ARHGAP29: variants seen among roughly 807,000 people sequenced by gnomAD.
The protein encoded by ARHGAP29 is Rho GTPase activating protein 29.
ARHGAP29 carries 43 observed loss-of-function variants against 122.6 expected under a neutral mutation model. The observed-to-expected ratio is 0.35, with a 90% CI of 0.27 to 0.45. The LOEUF is 0.45. Ranked by LOEUF, ARHGAP29 falls within the 20% of genes least tolerant of loss-of-function variation. The pLI, the probability that ARHGAP29 is intolerant of heterozygous loss-of-function variation, is 1.00. For synonymous variants in ARHGAP29, 506 were observed against 497.1 expected, an observed-to-expected ratio of 1.02 and a Z score of -0.24; for missense variants, 1,303 against 1,477.2, an observed-to-expected ratio of 0.88 and a Z score of 1.93.
chr1:94,268,033 A>G (rs1304235989), intron 1 of ARHGAP29, among the ~76,000 whole-genome samples: 1 of 152,104 alleles, frequency 6.6e-6, no homozygotes, highest in African/African-American at 2.4e-5. Context: ...TTATTTTCAC[A>G]TGGCAAACAT....
chr1:94,226,386 A>G (rs1652613131), intron 2 of ARHGAP29, among the ~76,000 whole-genome samples: 1 of 151,944 alleles, frequency 6.6e-6, no homozygotes, highest in African/African-American at 2.4e-5. Flanking sequence ...CAAAAACCCC[A>G]TTATCTCCTT....
rs1570496384 is a variant in ARHGAP29 at position 94,184,671 on chromosome 1, T to C, written c.2109+201A>G. On this transcript the variant is annotated intron_variant, in intron 18 of 22. Transcript: ENST00000260526. ...CAGGAGGCTGAAGTGGGAGGGTTGC[T>C]TGAGCCTGGGAGGTCAAGGCTGCAG... 1.3e-5 allele frequency among the ~76,000 whole-genome samples: 2 copies of C among 151,898 alleles called. 1 individual carries two copies. Among genetic ancestry groups the C allele is most frequent in the East Asian group, 3.9e-4 (2 of 5,182 alleles).
At position 94,220,396 on chromosome 1, in the gene ARHGAP29, T is replaced by A; in HGVS notation, c.206-4A>T. 3 of 1,572,006 alleles carry A rather than the reference T, an allele frequency of 1.9e-6. No individual in the cohort carries two copies. The highest frequency in any genetic ancestry group is 1.7e-6 in the Non-Finnish European group (2 of 1,161,238). On this transcript the variant is annotated splice_polypyrimidine_tract_variant and splice_region_variant and intron_variant, in intron 2 of 22. Coordinates refer to ENST00000260526, the MANE Select transcript of ARHGAP29 (RefSeq NM_004815.4). ...TGAATAACTTCTTTAAAACAGTCTTTAAAAAGAAAAAAAAATAATTTATTT... is the reference window on the plus strand; with the variant it reads ...TGAATAACTTCTTTAAAACAGTCTTAAAAAAGAAAAAAAAATAATTTATTT...
the ARHGAP29 span, among the ~76,000 whole-genome samples, chr1:94,287,497 C>CTATTAT: frequency 2.7e-4 from 40 of 150,660 alleles, no homozygotes; most frequent in Middle Eastern, 3.4e-3. Flanking sequence ...ACCTCTTTTA[C>CTATTAT]TATTATTATT....
the ARHGAP29 span, among the ~76,000 whole-genome samples, chr1:94,284,266 G>T: frequency 1.3e-5 from 2 of 152,114 alleles, no homozygotes; most frequent in African/African-American, 2.4e-5. Context: ...CTTTTAAATA[G>T]AATTTAAATT....
At chr1:94,308,235 A>G in the ARHGAP29 span, among the ~76,000 whole-genome samples, 1 of 151,984 alleles carries the variant, frequency 6.6e-6, no homozygotes, top group Non-Finnish European at 1.5e-5. Context: ...TATTTTATGA[A>G]CCTCCTCTCC....
the ARHGAP29 span, among the ~76,000 whole-genome samples, chr1:94,295,937 C>T: frequency 1.2e-4 from 19 of 152,216 alleles, no homozygotes; most frequent in East Asian, 3.1e-3. Flanking sequence ...GAGCAATTAC[C>T]AGAACCTGGA....
At chr1:94,308,287 G>A in the ARHGAP29 span, among the ~76,000 whole-genome samples, 2 of 152,106 alleles carry the variant, frequency 1.3e-5, no homozygotes, top group East Asian at 3.9e-4. Flanking sequence ...AAGTAGGCAG[G>A]AAAGATGGTA....
the ARHGAP29 span, among the ~76,000 whole-genome samples, chr1:94,307,481 A>G: frequency 6.6e-6 from 1 of 152,370 alleles, no homozygotes; most frequent in African/African-American, 2.4e-5. Context: ...AAAAGTAAAT[A>G]CATAGGAATA....
chr1:94,202,083 C>T (rs1443739267), intron 11 of ARHGAP29: 1 of 454,106 alleles, frequency 2.2e-6, no homozygotes, highest in Non-Finnish European at 3.8e-6. Context: ...ATATTTGCTT[C>T]TATTTGAAAT....
the ARHGAP29 span, among the ~76,000 whole-genome samples, chr1:94,313,523 C>A: frequency 6.6e-6 from 1 of 152,170 alleles, no homozygotes. Flanking sequence ...AGCGCTTTTA[C>A]ACTGTTGGTG....
chr1:94,259,535 G>A (rs957399965), intron 1 of ARHGAP29, among the ~76,000 whole-genome samples: 11 of 152,134 alleles, frequency 7.2e-5, no homozygotes, highest in East Asian at 1.9e-4. Context: ...ACTGTTGTCC[G>A]TACAAGAAGA....
rs375202233 is a variant in ARHGAP29 at position 94,201,873 on chromosome 1, A to G, written c.1144-16T>C. 7.2e-7 allele frequency: 1 copy of G among 1,393,146 alleles called. No homozygotes were observed. Among genetic ancestry groups the G allele is most frequent in the Admixed American group, 2.8e-5 (1 of 35,222 alleles). The allele number at this position is 1,393,146 out of a possible 1,614,324, so 86.3% of individuals were successfully genotyped here. A position where few individuals can be genotyped will look rare whatever the true frequency, so the allele number is the denominator to read the frequency against. On this transcript the variant is annotated splice_polypyrimidine_tract_variant and intron_variant, in intron 11 of 22. Transcript: ENST00000260526. ...CTTCTTCTACCTTCACAAATATCAC[A>G]GAAAAAAAAATAACACTAGAATTTA...
chr1:94,174,085 C>T lies in ARHGAP29; in HGVS notation c.3570G>A (p.Val1190=). The T allele has an allele frequency of 6.2e-7, 1 of 1,614,190 alleles. No individual in the cohort carries two copies. The highest frequency in any genetic ancestry group is 1.3e-5 in the African/African-American group (1 of 75,052). ...EEKPASPSAA[V]PPGTDHDPHG... is the part of the protein sequence containing the mutation. ...GGGGATCGTGATCTGTGCCAGGAGGCACTGCTGCTGAGGGTGAAGCTGGCT... is the reference window on the plus strand; with the variant it reads ...GGGGATCGTGATCTGTGCCAGGAGGTACTGCTGCTGAGGGTGAAGCTGGCT... Residue 1190 remains valine, a synonymous_variant, in exon 23 of 23, where the codon GTG becomes GTA. Transcript: ENST00000260526.
chr1:94,196,451 C>T (rs561560429), intron 12 of ARHGAP29, among the ~76,000 whole-genome samples: 316 of 151,004 alleles, frequency 2.1e-3, no homozygotes, highest in African/African-American at 7.4e-3. Context: ...TTAGTAGAGA[C>T]GGGGTTTCAC....
rs1648583084 is a variant in ARHGAP29 at position 94,169,458 on chromosome 1, A to G, written c.*4411T>C. On this transcript the variant is annotated 3_prime_UTR_variant, in exon 23 of 23. Transcript: ENST00000260526. The stretch of plus-strand genomic sequence containing the variant: ...GGGAGGGAGGAAGAATGAACAAATT[A>G]TTTAGGATTATGGGAGTCAGGTTTC... 6.6e-6 allele frequency among the ~76,000 whole-genome samples: 1 copy of G among 152,136 alleles called. No homozygotes were observed. The highest frequency in any genetic ancestry group is 2.1e-4 in the South Asian group (1 of 4,818).
At position 94,219,103 on chromosome 1, in the gene ARHGAP29, C is replaced by T. The variant is rs1003313260; in HGVS notation, c.340+1155G>A. On this transcript the variant is annotated intron_variant, in intron 3 of 22. Transcript: ENST00000260526. Reference sequence around the variant, plus strand: ...ACTCTGTGCTCCCATGGTGCCTAGGCGTACTTCTATCACAGAATTGATCAC... The same window carrying T: ...ACTCTGTGCTCCCATGGTGCCTAGGTGTACTTCTATCACAGAATTGATCAC... 3.9e-5 allele frequency among the ~76,000 whole-genome samples: 6 copies of T among 152,204 alleles called. No individual in the cohort carries two copies. The South Asian group carries it at 8.3e-4, about 21-fold the overall frequency.
At chr1:94,273,266 T>G (rs938636451) in intron 1 of ARHGAP29, among the ~76,000 whole-genome samples, 3 of 152,210 alleles carry the variant, frequency 2.0e-5, no homozygotes, top group Non-Finnish European at 2.9e-5. Flanking sequence ...AAATATCAAA[T>G]GAGTCAGAAC....
In ARHGAP29 at chr1:94,200,908, C is replaced by A. The variant is rs549873760; in HGVS notation, c.1281+812G>T. On this transcript the variant is annotated intron_variant, in intron 12 of 22. Transcript: ENST00000260526. ...GAGAGTTGGACTACAAAATAAGTAG[C>A]ATGAAGGAATCATTTTTAAGTGATA... is the stretch of plus-strand genomic sequence containing the variant. 2.6e-5 allele frequency among the ~76,000 whole-genome samples: 4 copies of A among 152,212 alleles called. No individual in the cohort carries two copies. In the South Asian group the frequency reaches 8.3e-4, roughly 32 times the overall value.
Sources: gnomAD v4.1 joint callset for allele counts (sites outside exome capture counted in the v4.1 genomes callset) on GRCh38, gnomAD v4.1.1 for gene constraint, MANE v1.5 for transcripts, NCBI Gene and HGNC (gene_info 2026-07-23, HGNC 2026-07-21) for gene names.